PNMA2: variants seen among roughly 807,000 people sequenced by gnomAD.
PNMA2 encodes the protein paraneoplastic antigen Ma2.
For missense variants in PNMA2, 455 were observed against 452.9 expected, an observed-to-expected ratio of 1.00 and a Z score of -0.04; for synonymous variants, 175 against 183.5, an observed-to-expected ratio of 0.95 and a Z score of 0.38.
rs979075527 is a variant in PNMA2 at position 26,508,734 on chromosome 8, C to A, written c.22G>T (p.Asp8Tyr). ...TCCACACTCATTATCCTGCACCAGT[C>A]CTCTAACAGTGCCAGCGCCATTGTC... Reference protein sequence around the residue: MALALLEDWCRIMSVDEQ... With the variant: MALALLEYWCRIMSVDEQ... The change falls in exon 3 of 3, where the codon GAC becomes TAC. Residue 8 changes from aspartate (D) to tyrosine (Y), a missense_variant. Coordinates refer to ENST00000522362, the MANE Select transcript of PNMA2 (RefSeq NM_007257.6). The surrounding 1 kb of genome is among the most constrained non-coding windows in gnomAD (Gnocchi z 5.5). 7 of 1,612,148 alleles carry A rather than the reference C, an allele frequency of 4.3e-6. No homozygotes were observed. The Admixed American group carries it at 8.4e-5, about 19-fold the overall frequency.
At chr8:26,513,611 C>T (rs1234306351) in intron 1 of PNMA2, among the ~76,000 whole-genome samples, 6 of 152,206 alleles carry the variant, frequency 3.9e-5, no homozygotes. Context: ...TAGCCTGGCG[C>T]CCGGCTTGTC....
In PNMA2 at chr8:26,507,935, G is replaced by A. The variant is rs769575242; in HGVS notation, c.821C>T (p.Thr274Ile). ...TTTCTCCACCGCTCTCCGGAGCAGG[G>A]TTTCTAGCCGTAACACATAGGCTGA... ...KVSAYVLRLE[T>I]LLRRAVEKRA... Residue 274 changes from threonine (T) to isoleucine (I), a missense_variant, in exon 3 of 3, where the codon ACC (threonine) becomes ATC (isoleucine). Coordinates refer to ENST00000522362, the MANE Select transcript of PNMA2 (RefSeq NM_007257.6). 6 of 1,613,824 alleles carry A rather than the reference G, an allele frequency of 3.7e-6. No homozygotes were observed. Among genetic ancestry groups the A allele is most frequent in the Non-Finnish European group, 5.1e-6 (6 of 1,180,038 alleles).
At chr8:26,510,467 A>G (rs1047536238) in intron 1 of PNMA2, among the ~76,000 whole-genome samples, 1 of 152,222 alleles carries the variant, frequency 6.6e-6, no homozygotes, top group Non-Finnish European at 1.5e-5. Flanking sequence ...TTTTTGAGAC[A>G]GGGTCTCACT....
intron 1 of PNMA2, among the ~76,000 whole-genome samples, chr8:26,512,145 T>C (rs1303995556): frequency 1.3e-5 from 2 of 152,232 alleles, no homozygotes; most frequent in Non-Finnish European, 2.9e-5. Context: ...CTGGATCATT[T>C]AACTAAATAC....
In PNMA2 at chr8:26,507,404, A is replaced by T; in HGVS notation, c.*257T>A. 2.9e-6 allele frequency: 1 copy of T among 339,936 alleles called. No homozygotes were observed. Among genetic ancestry groups the T allele is most frequent in the Non-Finnish European group, 5.3e-6 (1 of 190,282 alleles). The allele number at this position is 339,936 out of a possible 1,614,324, so 21.1% of individuals were successfully genotyped here. Reference sequence around the variant, plus strand: ...TGAGCCGAGATTTTTGTGCCACTGCACTCTAGCCTGGGTGATGAGAGTGAG... The same window carrying T: ...TGAGCCGAGATTTTTGTGCCACTGCTCTCTAGCCTGGGTGATGAGAGTGAG... On this transcript the variant is annotated 3_prime_UTR_variant, in exon 3 of 3. Transcript: ENST00000522362.
At position 26,508,684 on chromosome 8, in the gene PNMA2, C is replaced by G. The variant is rs563938972; in HGVS notation, c.72G>C (p.Thr24=). The G allele has an allele frequency of 1.2e-6, 2 of 1,614,176 alleles. No homozygotes were observed. The highest frequency in any genetic ancestry group is 2.2e-5 in the East Asian group (1 of 44,876). ...CCTCCTCAAAGTCCGCCGGTATCCC[C>G]GTAACCATCAGTGACTTCTGCTCAT... ...SVDEQKSLMV[T]GIPADFEEAE... The change falls in exon 3 of 3, where the codon ACG becomes ACC. Residue 24 remains threonine (T), a synonymous_variant. Transcript: ENST00000522362. The surrounding 1 kb of genome is among the most constrained non-coding windows in gnomAD (Gnocchi z 5.5).
At chr8:26,511,102 C>T (rs113990247) in intron 1 of PNMA2, among the ~76,000 whole-genome samples, 12 of 143,130 alleles carry the variant, frequency 8.4e-5, no homozygotes, top group African/African-American at 1.3e-4. Flanking sequence ...CAGTGAGCCA[C>T]GATTGCACCA....
In PNMA2 at chr8:26,508,337, T is replaced by G. The variant is rs753237705; in HGVS notation, c.419A>C (p.Glu140Ala). Residue 140 changes from glutamate (E) to alanine (A), a missense_variant, in exon 3 of 3, where the codon GAA (glutamate) becomes GCA (alanine). Transcript: ENST00000522362. The surrounding 1 kb of genome is among the most constrained non-coding windows in gnomAD (Gnocchi z 5.5). ...SPATVPCISPELLAHLLGQAM... is the reference protein window; with the variant it reads ...SPATVPCISPALLAHLLGQAM... Reference sequence around the variant, plus strand: ...CTGTCCCAACAAATGGGCCAGTAATTCTGGTGAGATGCAGGGCACTGTGGC... The same window carrying G: ...CTGTCCCAACAAATGGGCCAGTAATGCTGGTGAGATGCAGGGCACTGTGGC... 54 of 1,613,116 alleles carry G rather than the reference T, an allele frequency of 3.3e-5. No homozygotes were observed. The highest frequency in any genetic ancestry group is 5.1e-6 in the Non-Finnish European group (6 of 1,179,482).
In PNMA2 at chr8:26,506,431, C is replaced by T. The variant is rs1808045523; in HGVS notation, c.*1230G>A. On this transcript the variant is annotated 3_prime_UTR_variant, in exon 3 of 3. Transcript: ENST00000522362. The surrounding 1 kb of genome is among the most constrained non-coding windows in gnomAD (Gnocchi z 4.4). ...ACAACCCTGCTCTCAAGCATGCAGT[C>T]CCCTCATGTCCCCCTTTCTTTGGGG... 1 of 152,296 alleles carries T rather than the reference C, an allele frequency of 6.6e-6. No individual in the cohort carries two copies. The highest frequency in any genetic ancestry group is 1.5e-5 in the Non-Finnish European group (1 of 68,110). The allele number at this position is 152,296 out of a possible 1,614,324, so 9.4% of individuals were successfully genotyped here. A position where few individuals can be genotyped will look rare whatever the true frequency, so the allele number is the denominator to read the frequency against.
rs2117579923 is a variant in PNMA2, at chr8:26,508,464, G to C, written c.292C>G (p.Gln98Glu). 1 of 1,614,222 alleles carries C rather than the reference G, an allele frequency of 6.2e-7. No individual in the cohort carries two copies. The highest frequency in any genetic ancestry group is 8.5e-7 in the Non-Finnish European group (1 of 1,180,050). ...VWKVIFKTPN[Q>E]DTEFLERLNL... ...AATCTTTCAAGAAACTCAGTGTCCTGATTAGGGGTCTTAAAGATCACCTTC... is the reference window on the plus strand; with the variant it reads ...AATCTTTCAAGAAACTCAGTGTCCTCATTAGGGGTCTTAAAGATCACCTTC... The change falls in exon 3 of 3, where the codon CAG (glutamine) becomes GAG (glutamate). Residue 98 changes from glutamine to glutamate, a missense_variant. Physicochemically the swap from Gln to Glu is conservative, Grantham distance 29. Coordinates refer to ENST00000522362, the MANE Select transcript of PNMA2 (RefSeq NM_007257.6). This position sits in a 1 kb window ranked among gnomAD's most constrained non-coding sequence, Gnocchi z 5.5.
intron 1 of PNMA2, among the ~76,000 whole-genome samples, chr8:26,513,280 C>T (rs1808201293): frequency 6.6e-6 from 1 of 151,974 alleles, no homozygotes; most frequent in South Asian, 2.1e-4. Context: ...GGCTGGAATT[C>T]CCGACTGCAC....
chr8:26,512,597 C>G (rs1041529102), intron 1 of PNMA2, among the ~76,000 whole-genome samples: 1 of 152,204 alleles, frequency 6.6e-6, no homozygotes, highest in Non-Finnish European at 1.5e-5. Context: ...TAAACGGCCT[C>G]TCAGCCCAAA....
chr8:26,510,150 T>C (rs1370447974), intron 1 of PNMA2, among the ~76,000 whole-genome samples: 7 of 152,144 alleles, frequency 4.6e-5, no homozygotes, highest in African/African-American at 1.7e-4. Flanking sequence ...TGGGTTCTTG[T>C]TCTATTAGCT....
intron 1 of PNMA2, among the ~76,000 whole-genome samples, chr8:26,513,429 G>T (rs1808207509): frequency 6.8e-6 from 1 of 147,482 alleles, no homozygotes; most frequent in African/African-American, 2.5e-5. Context: ...ACACCAAAGT[G>T]GATGCACGAA....
chr8:26,510,410 A>G (rs898601436), intron 1 of PNMA2, among the ~76,000 whole-genome samples: 1 of 152,188 alleles, frequency 6.6e-6, no homozygotes, highest in Non-Finnish European at 1.5e-5. Context: ...GACTAAGACA[A>G]TAAGTTACTA....
chr8:26,513,250 G>C (rs1302896583), intron 1 of PNMA2, among the ~76,000 whole-genome samples: 1 of 150,678 alleles, frequency 6.6e-6, no homozygotes, highest in Non-Finnish European at 1.5e-5. Flanking sequence ...TCTGCACCCC[G>C]TCTTTAAGTC....
chr8:26,507,609 AT>A lies in PNMA2; in HGVS notation c.*51del. 1 of 1,491,986 alleles carries A rather than the reference AT, an allele frequency of 6.7e-7. No individual in the cohort carries two copies. 92.4% of individuals were successfully genotyped at this position (1,491,986 alleles called of 1,614,324 possible). A position where few individuals can be genotyped will look rare whatever the true frequency, so the allele number is the denominator to read the frequency against. ...TCAGTCCCATACATTAAAGAAAAAA[AT>A]TTTTTAAAGGTCTTAGCCCACTGGC... is the stretch of plus-strand genomic sequence containing the variant. On this transcript the variant is annotated 3_prime_UTR_variant, in exon 3 of 3. Transcript: ENST00000522362.
chr8:26,509,061 A>C lies in PNMA2; in HGVS notation c.-306T>G. The C allele has an allele frequency of 4.8e-6, 2 of 418,858 alleles. No individual in the cohort carries two copies. The highest frequency in any genetic ancestry group is 7.7e-6 in the Non-Finnish European group (2 of 261,002). The allele number at this position is 418,858 out of a possible 1,614,324, so 25.9% of individuals were successfully genotyped here. ...AAGTCCGATTGCCAGTGATTTTCTC[A>C]AAGATGCTGGCAGCCACGTGACGCT... On this transcript the variant is annotated 5_prime_UTR_variant, in exon 3 of 3. Coordinates refer to ENST00000522362, the MANE Select transcript of PNMA2 (RefSeq NM_007257.6). The surrounding 1 kb of genome is among the most constrained non-coding windows in gnomAD (Gnocchi z 5.7).
rs778685014 is a variant in PNMA2, at chr8:26,507,781, A to G, written c.975T>C (p.Leu325=). 1.6e-5 allele frequency: 26 copies of G among 1,613,788 alleles called. No individual in the cohort carries two copies. The highest frequency in any genetic ancestry group is 2.1e-5 in the Non-Finnish European group (25 of 1,179,898). ...LKDQGPPPSF[L]ELMKVIREEE... ...CTTCCCGTATTACCTTCATTAGCTC[A>G]AGGAAGCTGGGGGGCGGGCCCTGAT... Residue 325 remains leucine (L), a synonymous_variant, in exon 3 of 3, where the codon CTT becomes CTC. Coordinates refer to ENST00000522362, the MANE Select transcript of PNMA2 (RefSeq NM_007257.6).
Sources: allele counts gnomAD v4.1 joint callset (sites outside exome capture counted in the v4.1 genomes callset), GRCh38; gene constraint gnomAD v4.1.1; non-coding constraint Gnocchi (gnomAD v3.1); transcripts MANE v1.5; gene names NCBI Gene and HGNC (gene_info 2026-07-23, HGNC 2026-07-21).